CCNY: variants seen among roughly 807,000 people sequenced by gnomAD.
CCNY encodes cyclin Y.
In CCNY, 19 loss-of-function variants were observed where a neutral mutation model predicts 42.8. That is an observed-to-expected ratio of 0.44 (90% CI 0.31 to 0.65). The LOEUF (loss-of-function observed/expected upper bound fraction) is 0.65, where lower values mean the gene tolerates loss of function less well. CCNY is among the 30% of genes least tolerant of loss of function. CCNY has a pLI of 0.07. For missense variants in CCNY, 370 were observed against 437.3 expected, an observed-to-expected ratio of 0.85 and a Z score of 1.37; for synonymous variants, 165 against 162.7, an observed-to-expected ratio of 1.01 and a Z score of -0.11.
intron 1 of CCNY, among the ~76,000 whole-genome samples, chr10:35,350,650 T>C (rs1180256854): frequency 6.6e-6 from 1 of 152,168 alleles, no homozygotes. Flanking sequence ...GCATCCTTAG[T>C]GGAAAACTTT....
At chr10:35,333,887 T>A (rs959397104), upstream of CCNY, among the ~76,000 whole-genome samples, 1 of 152,012 alleles carries the variant, frequency 6.6e-6, no homozygotes, top group Non-Finnish European at 1.5e-5. Flanking sequence ...GGATGAGTTG[T>A]GGGGGTCGGC....
At chr10:35,477,680 C>G (rs1409692932) in intron 1 of CCNY, among the ~76,000 whole-genome samples, 2 of 149,842 alleles carry the variant, frequency 1.3e-5, no homozygotes, top group African/African-American at 4.9e-5. Flanking sequence ...CAGCCAATAT[C>G]ATACTGAATG....
At chr10:35,307,928 C>T (rs1222139541) in intron 3 of CCNY, among the ~76,000 whole-genome samples, 1 of 150,798 alleles carries the variant, frequency 6.6e-6, no homozygotes, top group Non-Finnish European at 1.5e-5. Context: ...AGTGATTCTC[C>T]TGCCTCAGCC....
At chr10:35,306,930 G>A (rs769725632) in intron 3 of CCNY, among the ~76,000 whole-genome samples, 10 of 151,856 alleles carry the variant, frequency 6.6e-5, no homozygotes, top group East Asian at 1.9e-4. Flanking sequence ...AGAAAAGCAC[G>A]TGTAGCTGCA....
intron 3 of CCNY, among the ~76,000 whole-genome samples, chr10:35,261,352 C>G (rs2095719451): frequency 1.3e-5 from 2 of 151,664 alleles, no homozygotes; most frequent in Non-Finnish European, 2.9e-5. Context: ...ATTTTGCTGC[C>G]TCAGCTTCCC....
intron 7 of CCNY, among the ~76,000 whole-genome samples, chr10:35,552,149 C>T (rs1841271557): frequency 6.6e-6 from 1 of 152,178 alleles, no homozygotes; most frequent in South Asian, 2.1e-4. Flanking sequence ...AATGGATAAA[C>T]ATGATGGTGT....
intron 9 of CCNY, among the ~76,000 whole-genome samples, chr10:35,566,872 A>AT (rs1010106518): frequency 4.6e-4 from 68 of 148,324 alleles, no homozygotes; most frequent in African/African-American, 1.3e-3. Context: ...CGCCCAGCTA[A>AT]TTTTTTTTTG....
At chr10:35,520,932 G>A (rs985482794) in intron 4 of CCNY, among the ~76,000 whole-genome samples, 5 of 152,254 alleles carry the variant, frequency 3.3e-5, no homozygotes, top group African/African-American at 1.2e-4. Context: ...GAGCCCCTTT[G>A]CGCACTTGGC....
intron 7 of CCNY, among the ~76,000 whole-genome samples, chr10:35,542,150 C>T (rs2135436908): frequency 6.8e-6 from 1 of 148,072 alleles, no homozygotes; most frequent in African/African-American, 2.5e-5. Context: ...CTAGTCTCCT[C>T]TTGGCTGTGA....
At chr10:35,532,238 C>T (rs1481849146) in intron 7 of CCNY, among the ~76,000 whole-genome samples, 2 of 152,242 alleles carry the variant, frequency 1.3e-5, no homozygotes, top group Non-Finnish European at 2.9e-5. Flanking sequence ...TTGTTCTTCC[C>T]TCCTCGTGTT....
chr10:35,534,331 C>G (rs546302084), intron 7 of CCNY, among the ~76,000 whole-genome samples: 165 of 152,332 alleles, frequency 1.1e-3, no homozygotes, highest in African/African-American at 3.8e-3. Context: ...CCTGCTTAAG[C>G]TTTCTGAAGG....
chr10:35,256,786 C>T (rs1022151207), intron 3 of CCNY, among the ~76,000 whole-genome samples: 1 of 151,176 alleles, frequency 6.6e-6, no homozygotes, highest in African/African-American at 2.4e-5. Context: ...TAGCTAGGTC[C>T]TCACTCCTCT....
chr10:35,548,558 C>A (rs181020997), intron 7 of CCNY, among the ~76,000 whole-genome samples: 1 of 152,032 alleles, frequency 6.6e-6, no homozygotes, highest in Non-Finnish European at 1.5e-5. Context: ...GGCCTCCCGA[C>A]GTGCTGGGAT....
chr10:35,325,866 G>T (rs1238493770), intron 3 of CCNY, among the ~76,000 whole-genome samples: 1 of 152,074 alleles, frequency 6.6e-6, no homozygotes, highest in Non-Finnish European at 1.5e-5. Flanking sequence ...ATCTCTTGTG[G>T]TCAGAAGTTC....
intron 1 of CCNY, among the ~76,000 whole-genome samples, chr10:35,478,923 A>C (rs1049133651): frequency 3.3e-5 from 5 of 152,220 alleles, no homozygotes; most frequent in Non-Finnish European, 4.4e-5. Flanking sequence ...AAGAAAAACA[A>C]CCGCATCAAA....
intron 3 of CCNY, among the ~76,000 whole-genome samples, chr10:35,317,382 T>C (rs766577227): frequency 9.2e-5 from 14 of 152,208 alleles, no homozygotes; most frequent in Non-Finnish European, 1.8e-4. Flanking sequence ...CCTGTCCTCT[T>C]GCTGGTGATG....
chr10:35,347,927 G>C (rs1259915208), intron 1 of CCNY, among the ~76,000 whole-genome samples: 1 of 152,148 alleles, frequency 6.6e-6, no homozygotes, highest in Non-Finnish European at 1.5e-5. Context: ...TCAAAGTCCC[G>C]GAGGAGAAAG....
intron 1 of CCNY, among the ~76,000 whole-genome samples, chr10:35,361,211 A>G (rs1015232866): frequency 1.3e-5 from 2 of 152,198 alleles, no homozygotes; most frequent in African/African-American, 2.4e-5. Context: ...TCTCTCAGAT[A>G]TGTTATCTGT....
intron 1 of CCNY, among the ~76,000 whole-genome samples, chr10:35,415,896 G>C (rs780736581): frequency 2.0e-5 from 3 of 152,214 alleles, no homozygotes; most frequent in African/African-American, 4.8e-5. Context: ...TGCACAGATC[G>C]ACAGAGAGTT....
Sources: allele counts gnomAD v4.1 joint callset (sites outside exome capture counted in the v4.1 genomes callset), GRCh38; gene constraint gnomAD v4.1.1; transcripts MANE v1.5; gene names NCBI Gene and HGNC (gene_info 2026-07-23, HGNC 2026-07-21).